The following PCDHGA5 variants were observed in gnomAD, a reference collection of about 807,000 sequenced individuals.
PCDHGA5 encodes protocadherin gamma subfamily A, 5.
A neutral mutation model predicts 56.7 loss-of-function variants in PCDHGA5; 36 were observed. The ratio of observed to expected loss-of-function variants is 0.64; its 90% CI spans 0.49 to 0.84. PCDHGA5 has a LOEUF of 0.84. Ranked by LOEUF, PCDHGA5 falls within the 40% of genes least tolerant of loss-of-function variation. The pLI is 0.00. For synonymous variants in PCDHGA5, 563 were observed against 520.2 expected (o/e 1.08, Z -1.12); for missense variants, 1,305 against 1,201.5 (o/e 1.09, Z -1.27).
chr5:141,490,612 C>G lies in PCDHGA5; in HGVS notation c.2422-4195C>G, dbSNP rs1393568166. ...CAATGCACCCCGCTTCAACCAGCAG[C>G]TTTACACTGCTTACATCCTAGAAAA... On this transcript the variant is annotated intron_variant, in intron 1 of 3. Coordinates refer to ENST00000518069, the MANE Select transcript of PCDHGA5 (RefSeq NM_018918.3). This position sits in a 1 kb window ranked among gnomAD's most constrained non-coding sequence, Gnocchi z 5.4. The G allele has an allele frequency of 6.2e-7, 1 of 1,614,082 alleles. No homozygotes were observed. Among genetic ancestry groups the G allele is most frequent in the Non-Finnish European group, 8.5e-7 (1 of 1,180,032 alleles).
intron 1 of PCDHGA5, chr5:141,400,341 C>A (rs754175136): frequency 6.2e-7 from 1 of 1,614,070 alleles, no homozygotes; most frequent in African/African-American, 1.3e-5. Flanking sequence ...TTCCCCCCAA[C>A]TACAGTCAGG....
chr5:141,406,331 C>T lies in PCDHGA5; in HGVS notation c.2421+39580C>T, dbSNP rs577134835. 6.6e-5 allele frequency among the ~76,000 whole-genome samples: 10 copies of T among 152,002 alleles called. No homozygotes were observed. In the East Asian group the frequency reaches 1.3e-3, roughly 21 times the overall value. ...CTCACCCAGCAAATTCTTACTCCTA[C>T]GATCATTTATTCAGGTCATACTATG... On this transcript the variant is annotated intron_variant, in intron 1 of 3. Coordinates refer to ENST00000518069, the MANE Select transcript of PCDHGA5 (RefSeq NM_018918.3).
chr5:141,472,412 G>A (rs1283620276), intron 1 of PCDHGA5, among the ~76,000 whole-genome samples: 8 of 151,940 alleles, frequency 5.3e-5, no homozygotes, highest in Non-Finnish European at 8.8e-5. Context: ...GTGGTGGCAC[G>A]CACCTGTATC....
intron 1 of PCDHGA5, chr5:141,426,510 T>C: frequency 2.9e-6 from 1 of 342,914 alleles, no homozygotes; most frequent in Non-Finnish European, 5.8e-6. Context: ...AACAATACTT[T>C]ACCGTGAACA....
chr5:141,402,880 A>G (rs886365174), intron 1 of PCDHGA5: 2 of 1,474,944 alleles, frequency 1.4e-6, no homozygotes, highest in Non-Finnish European at 1.8e-6. Flanking sequence ...CATACTTTGC[A>G]GGGTGGAAGA....
chr5:141,422,472 G>T, intron 1 of PCDHGA5: 2 of 1,613,680 alleles, frequency 1.2e-6, no homozygotes, highest in Non-Finnish European at 1.7e-6. Flanking sequence ...ACAGGGAGTT[G>T]GTCCAGAGCT....
In PCDHGA5 at chr5:141,365,663, G is replaced by A. The variant is rs117201633; in HGVS notation, c.1333G>A (p.Val445Ile). The A allele has an allele frequency of 1.9e-6, 3 of 1,613,390 alleles. No homozygotes were observed. Among genetic ancestry groups the A allele is most frequent in the African/African-American group, 1.3e-5 (1 of 75,006 alleles). The change falls in exon 1 of 4, where the codon GTT (valine) becomes ATT (isoleucine). Residue 445 changes from valine to isoleucine, a missense_variant. By Grantham distance (29) the Val-to-Ile change is conservative. Coordinates refer to ENST00000518069, the MANE Select transcript of PCDHGA5 (RefSeq NM_018918.3). The stretch of plus-strand genomic sequence containing the variant: ...CCACATCCCCTTGAAAGTAGCAGAC[G>A]TTAATGACAACCCACCCAATTTCCC... ...ESHIPLKVAD[V>I]NDNPPNFPQA...
intron 1 of PCDHGA5, chr5:141,388,424 GA>G: frequency 6.2e-7 from 1 of 1,613,812 alleles, no homozygotes; most frequent in African/African-American, 1.3e-5. Flanking sequence ...ATTTCTCACT[GA>G]TAAATAAAGA....
At chr5:141,422,645 TCTCAGTGAC>T in intron 1 of PCDHGA5, 2 of 1,612,232 alleles carry the variant, frequency 1.2e-6, no homozygotes, top group Non-Finnish European at 1.7e-6. Flanking sequence ...GCCTCCATCT[TCTCAGTGAC>T]CGCCCTCGAC....
At chr5:141,398,273 A>G (rs1223394149) in intron 1 of PCDHGA5, 1 of 1,414,722 alleles carries the variant, frequency 7.1e-7, no homozygotes, top group Non-Finnish European at 9.6e-7. Flanking sequence ...GTAGTGGGGA[A>G]CCTCGCCACG....
intron 1 of PCDHGA5, chr5:141,404,270 C>T (rs1359018673): frequency 5.0e-6 from 8 of 1,614,010 alleles, no homozygotes; most frequent in Non-Finnish European, 6.8e-6. Flanking sequence ...TCACATCACC[C>T]TGCAAGTGAC....
chr5:141,402,807 T>G, intron 1 of PCDHGA5: 2 of 1,165,464 alleles, frequency 1.7e-6, no homozygotes, highest in Non-Finnish European at 2.3e-6. Flanking sequence ...ACCCGGCAGA[T>G]ACCACAAACC....
At chr5:141,421,267 C>A in intron 1 of PCDHGA5, 1 of 1,611,374 alleles carries the variant, frequency 6.2e-7, no homozygotes, top group South Asian at 1.1e-5. Flanking sequence ...CAGTCGGCTG[C>A]TGCTGCTGCT....
chr5:141,413,019 C>A (rs1056458163), intron 1 of PCDHGA5: 24 of 683,104 alleles, frequency 3.5e-5, no homozygotes, highest in Non-Finnish European at 5.2e-5. Flanking sequence ...ACTACACAAG[C>A]CCCACAAACC....
At chr5:141,454,087 T>A (rs1251936767) in intron 1 of PCDHGA5, among the ~76,000 whole-genome samples, 4 of 152,198 alleles carry the variant, frequency 2.6e-5, no homozygotes, top group Non-Finnish European at 5.9e-5. Context: ...TCAGTGAAAT[T>A]TGAATTGAAC....
At chr5:141,390,538 C>T (rs1371210436) in intron 1 of PCDHGA5, 1 of 518,192 alleles carries the variant, frequency 1.9e-6, no homozygotes, top group Non-Finnish European at 3.4e-6. Context: ...GTTTTAACCA[C>T]AAAGTGAAAG....
chr5:141,382,603 T>C, intron 1 of PCDHGA5: 1 of 269,778 alleles, frequency 3.7e-6, no homozygotes, highest in Non-Finnish European at 6.9e-6. Flanking sequence ...AACAATTTTC[T>C]ATGAAATCAG....
chr5:141,393,894 C>G lies in PCDHGA5; in HGVS notation c.2421+27143C>G, dbSNP rs201697840. 1.3e-3 allele frequency: 2,063 copies of G among 1,614,000 alleles called. 4 individuals are homozygous for G. Among genetic ancestry groups the G allele is most frequent in the Non-Finnish European group, 1.6e-3 (1,902 of 1,179,890 alleles). On this transcript the variant is annotated intron_variant, in intron 1 of 3. Transcript: ENST00000518069. ...GTTTAGCCCAGTGTTAGAAAATTCT[C>G]TTCCCGGGACAGTAATTGCCTTCTT...
chr5:141,433,643 C>A (rs899772934), intron 1 of PCDHGA5, among the ~76,000 whole-genome samples: 13 of 152,070 alleles, frequency 8.5e-5, no homozygotes, highest in African/African-American at 2.7e-4. Context: ...TGAGACCAGC[C>A]TGACCAACAT....
Sources: gnomAD v4.1 joint callset for allele counts (sites outside exome capture counted in the v4.1 genomes callset) on GRCh38, gnomAD v4.1.1 for gene constraint, Gnocchi (gnomAD v3.1) non-coding constraint, MANE v1.5 for transcripts, NCBI Gene and HGNC (gene_info 2026-07-23, HGNC 2026-07-21) for gene names.